NPR3: variants seen among roughly 807,000 people sequenced by gnomAD.
NPR3 encodes natriuretic peptide receptor 3, also known as atrial natriuretic peptide receptor 3.
NPR3 carries 34 observed loss-of-function variants against 54.5 expected under a neutral mutation model. The ratio of observed to expected loss-of-function variants is 0.62; its 90% confidence interval spans 0.47 to 0.83. The LOEUF is 0.83. Among genes scored for constraint, NPR3 ranks in the 40% least tolerant of loss-of-function variants. The probability of loss-of-function intolerance (pLI) is 0.00; values close to 1 mark genes in which losing one functional copy is unlikely to be tolerated. For missense variants in NPR3, 674 were observed against 720.8 expected, an observed-to-expected ratio of 0.94 and a Z score of 0.74; for synonymous variants, 289 against 297.1, an observed-to-expected ratio of 0.97 and a Z score of 0.28.
intron 3 of NPR3, among the ~76,000 whole-genome samples, chr5:32,749,340 C>T (rs995905060): frequency 6.6e-6 from 1 of 152,084 alleles, no homozygotes; most frequent in Non-Finnish European, 1.5e-5. Flanking sequence ...CTTTTACTTT[C>T]TGCATAGTGT....
chr5:32,710,859 G>GTTTTTTGTTTTTTTTTTT (rs1738174633), upstream of NPR3: 1 of 897,928 alleles, frequency 1.1e-6, no homozygotes, highest in Admixed American at 4.3e-5. Flanking sequence ...CCCAGTCCTG[G>GTTTTTTGTTTTTTTTTTT]TTTTTTTTTT....
chr5:32,698,093 G>A (rs1740577541), intron 1 of NPR3, among the ~76,000 whole-genome samples: 1 of 151,646 alleles, frequency 6.6e-6, no homozygotes, highest in Admixed American at 6.6e-5. Flanking sequence ...TTTAATTGAA[G>A]TTTTTCTACT....
At chr5:32,766,160 G>C (rs777062203) in intron 3 of NPR3, among the ~76,000 whole-genome samples, 1 of 152,228 alleles carries the variant, frequency 6.6e-6, no homozygotes, top group African/African-American at 2.4e-5. Flanking sequence ...GAGAAGGGCG[G>C]GAAGTGGACT....
intron 2 of NPR3, among the ~76,000 whole-genome samples, chr5:32,730,774 G>T (rs1461558083): frequency 6.6e-6 from 1 of 151,964 alleles, no homozygotes; most frequent in Non-Finnish European, 1.5e-5. Context: ...AAGTTTTTTT[G>T]CTGAAAACTA....
In NPR3 at chr5:32,730,149, G is replaced by A. The variant is rs543802501; in HGVS notation, c.892+5329G>A. On this transcript the variant is annotated intron_variant, in intron 2 of 7. Coordinates refer to ENST00000265074, the MANE Select transcript of NPR3 (RefSeq NM_001204375.2). ...GGGTTTATCCCAGGGATGCAAAGTT[G>A]GTTGTATATTTGAAAAGCAATCAAC... is the stretch of plus-strand genomic sequence containing the variant. Among the ~76,000 whole-genome samples the A allele has an allele frequency of 1.1e-4, 16 of 151,726 alleles. No individual in the cohort carries two copies. The South Asian group carries it at 1.5e-3, about 14-fold the overall frequency.
intron 2 of NPR3, among the ~76,000 whole-genome samples, chr5:32,735,259 C>A (rs1182522506): frequency 1.3e-5 from 2 of 152,168 alleles, no homozygotes; most frequent in Non-Finnish European, 2.9e-5. Context: ...CCTCCTCCAT[C>A]TGGCTCTGCT....
At chr5:32,730,357 C>T (rs891451622) in intron 2 of NPR3, among the ~76,000 whole-genome samples, 13 of 152,264 alleles carry the variant, frequency 8.5e-5, no homozygotes, top group Middle Eastern at 6.8e-3. Flanking sequence ...ACAAAAACCT[C>T]GCAGCTGATA....
chr5:32,724,725 C>A lies in NPR3; in HGVS notation c.797C>A (p.Thr266Asn). The A allele has an allele frequency of 2.5e-6, 4 of 1,613,926 alleles. No individual in the cohort carries two copies. The highest frequency in any genetic ancestry group is 1.6e-4 in the Middle Eastern group (1 of 6,062). The change falls in exon 2 of 8, where the codon ACC becomes AAC. Residue 266 changes from threonine to asparagine, a missense_variant. By Grantham distance (65) the Thr-to-Asn change is moderately conservative. Transcript: ENST00000265074. ...RVVIMCASSD[T>N]IRSIMLVAHR... Reference sequence around the variant, plus strand: ...GTGATCATGTGTGCGAGCAGTGACACCATCCGGAGCATCATGCTGGTGGCG... The same window carrying A: ...GTGATCATGTGTGCGAGCAGTGACAACATCCGGAGCATCATGCTGGTGGCG...
chr5:32,728,526 C>T (rs1339077734), intron 2 of NPR3, among the ~76,000 whole-genome samples: 1 of 149,588 alleles, frequency 6.7e-6, no homozygotes, highest in Non-Finnish European at 1.5e-5. Flanking sequence ...ATATCAGGTT[C>T]TTATTAGCTT....
intron 3 of NPR3, among the ~76,000 whole-genome samples, chr5:32,750,101 T>C (rs1201802184): frequency 6.6e-6 from 1 of 152,160 alleles, no homozygotes; most frequent in African/African-American, 2.4e-5. Flanking sequence ...GTTGTAGTTT[T>C]TCAGTTCTAT....
chr5:32,728,827 GTGTGTGTGTGTATATATATATATA>G (rs1371402817), intron 2 of NPR3, among the ~76,000 whole-genome samples: 69 of 81,148 alleles, frequency 8.5e-4, no homozygotes, highest in African/African-American at 3.0e-3. Flanking sequence ...GTGTGTGTGT[GTGTGTGTGTGTATATATATATATA>G]TATATATATA....
intron 3 of NPR3, among the ~76,000 whole-genome samples, chr5:32,760,658 T>G (rs1741118980): frequency 6.6e-6 from 1 of 151,840 alleles, no homozygotes; most frequent in East Asian, 1.9e-4. Flanking sequence ...CGCTTTTTGA[T>G]GAGCAGTGGT....
intron 3 of NPR3, among the ~76,000 whole-genome samples, chr5:32,770,416 T>G: frequency 6.7e-6 from 1 of 148,798 alleles, no homozygotes; most frequent in African/African-American, 2.5e-5. Context: ...GGTGACAAAG[T>G]GAGACTCTGT....
At chr5:32,784,672 A>G in intron 6 of NPR3, 124 bp from the exon 7 acceptor site, 2 of 713,488 alleles carry the variant, frequency 2.8e-6, no homozygotes, top group South Asian at 1.8e-5. Context: ...CTTAGAAAAT[A>G]TTTCTGAAAA....
intron 1 of NPR3, among the ~76,000 whole-genome samples, chr5:32,717,376 G>C (rs183408624): frequency 3.2e-4 from 48 of 152,290 alleles, no homozygotes; most frequent in Admixed American, 5.9e-4. Context: ...CCAGTAATGG[G>C]ATTGCTGGGT....
chr5:32,759,074 T>C (rs1741007328), intron 3 of NPR3, among the ~76,000 whole-genome samples: 1 of 152,250 alleles, frequency 6.6e-6, no homozygotes. Flanking sequence ...GAAGAATGCA[T>C]ATTCTGTTGA....
At chr5:32,720,114 G>A (rs567761897) in intron 1 of NPR3, among the ~76,000 whole-genome samples, 1 of 152,244 alleles carries the variant, frequency 6.6e-6, no homozygotes, top group South Asian at 2.1e-4. Context: ...CACATATAGT[G>A]CCATTTAGCT....
chr5:32,712,018 G>T lies in NPR3; in HGVS notation c.242G>T (p.Arg81Leu). ...CGGCCGGCCATCGAGTATGCTCTGC[G>T]CAGCGTGGAGGGCAACGGGACTGGG... ...RVRPAIEYAL[R>L]SVEGNGTGRR... The change falls in exon 1 of 8, where the codon CGC (arginine) becomes CTC (leucine). Residue 81 changes from arginine to leucine, a missense_variant. Physicochemically the swap from Arg to Leu is moderately radical, Grantham distance 102. Coordinates refer to ENST00000265074, the MANE Select transcript of NPR3 (RefSeq NM_001204375.2). The T allele has an allele frequency of 6.2e-7, 1 of 1,613,650 alleles. No homozygotes were observed. The highest frequency in any genetic ancestry group is 8.5e-7 in the Non-Finnish European group (1 of 1,179,722).
At chr5:32,739,972 C>T (rs1180148028) in intron 3 of NPR3, among the ~76,000 whole-genome samples, 1 of 152,188 alleles carries the variant, frequency 6.6e-6, no homozygotes, top group Non-Finnish European at 1.5e-5. Flanking sequence ...CCTCAAACTC[C>T]TGGGCTCAAG....
Sources: gnomAD v4.1 joint callset for allele counts (sites outside exome capture counted in the v4.1 genomes callset) on GRCh38, gnomAD v4.1.1 for gene constraint, MANE v1.5 for transcripts, NCBI Gene and HGNC (gene_info 2026-07-23, HGNC 2026-07-21) for gene names.